Variants in RGS17 observed in about 807,000 individuals in gnomAD.
RGS17 encodes regulator of G-protein signaling 17.
A neutral mutation model predicts 25.5 loss-of-function variants in RGS17; 12 were observed. That is an observed-to-expected ratio of 0.47 (90% CI 0.30 to 0.76). The LOEUF is 0.76. Ranked by LOEUF, RGS17 falls within the 30% of genes least tolerant of loss-of-function variation. RGS17 has a pLI of 0.07. For synonymous variants in RGS17, 71 were observed against 76.9 expected (o/e 0.92, Z 0.40); for missense variants, 196 against 242.2 (o/e 0.81, Z 1.27).
intron 1 of RGS17, among the ~76,000 whole-genome samples, chr6:153,084,044 GAA>G (rs1421065620): frequency 6.6e-6 from 1 of 152,206 alleles, no homozygotes; most frequent in Non-Finnish European, 1.5e-5. Flanking sequence ...ATAACTCACT[GAA>G]ATTTTGATGA....
rs1010470219 is a variant in RGS17, at chr6:153,128,085, C to CTTGGCTACCTA, written c.-26+3028_-26+3038dup. Reference sequence around the variant, plus strand: ...TATCCATCAATCTCACACTGAAAGTCTTGGCTACCTATTGGCTACCTATAG... The same window carrying CTTGGCTACCTA: ...TATCCATCAATCTCACACTGAAAGTCTTGGCTACCTATTGGCTACCTATTGGCTACCTATAG... On this transcript the variant is annotated intron_variant, in intron 1 of 4. Transcript: ENST00000206262. 3.9e-5 allele frequency among the ~76,000 whole-genome samples: 6 copies of CTTGGCTACCTA among 152,224 alleles called. No homozygotes were observed. The South Asian group carries it at 1.2e-3, about 32-fold the overall frequency.
chr6:153,076,052 A>C (rs1416184624), intron 1 of RGS17, among the ~76,000 whole-genome samples: 2 of 152,166 alleles, frequency 1.3e-5, no homozygotes, highest in Non-Finnish European at 2.9e-5. Flanking sequence ...TAATGCTCAA[A>C]ATTTTTTAAT....
intron 1 of RGS17, among the ~76,000 whole-genome samples, chr6:153,103,276 T>C (rs1466665193): frequency 1.3e-5 from 2 of 152,222 alleles, no homozygotes; most frequent in East Asian, 3.8e-4. Context: ...CATATCTTTA[T>C]GATGACATCT....
At chr6:153,070,720 C>T (rs1254456840) in intron 1 of RGS17, among the ~76,000 whole-genome samples, 8 of 121,388 alleles carry the variant, frequency 6.6e-5, no homozygotes, top group Middle Eastern at 4.7e-3. Context: ...TATATATATA[C>T]ACATATACAT....
In RGS17 at chr6:153,050,555, T is replaced by C. The variant is rs73010451; in HGVS notation, c.-25-6512A>G. ...ATTCCACATTCAAATTTTCCACTGT[T>C]AAAAAGTCATACAATATCAATTTTG... On this transcript the variant is annotated intron_variant, in intron 1 of 4. Coordinates refer to ENST00000206262, the MANE Select transcript of RGS17 (RefSeq NM_012419.5). Among the ~76,000 whole-genome samples the C allele has an allele frequency of 9.2e-3, 1,398 of 152,306 alleles. 24 individuals are homozygous for C. Among genetic ancestry groups the C allele is most frequent in the Admixed American group, 0.043 (664 of 15,300 alleles).
chr6:153,103,004 T>C (rs1777326868), intron 1 of RGS17, among the ~76,000 whole-genome samples: 1 of 152,236 alleles, frequency 6.6e-6, no homozygotes, highest in Non-Finnish European at 1.5e-5. Context: ...TGGTGGTATA[T>C]TACATCCATC....
At chr6:153,032,895 A>G (rs551072080) in intron 2 of RGS17, among the ~76,000 whole-genome samples, 2 of 152,350 alleles carry the variant, frequency 1.3e-5, no homozygotes, top group Admixed American at 1.3e-4. Context: ...TCATGCTGGG[A>G]TAATACAGAA....
At chr6:153,092,060 A>G (rs1170164640) in intron 1 of RGS17, among the ~76,000 whole-genome samples, 4 of 152,200 alleles carry the variant, frequency 2.6e-5, no homozygotes, top group African/African-American at 9.6e-5. Flanking sequence ...GATATTTACC[A>G]CTATATTTAT....
intron 1 of RGS17, among the ~76,000 whole-genome samples, chr6:153,119,883 T>C (rs563576282): frequency 2.6e-5 from 4 of 152,300 alleles, no homozygotes; most frequent in South Asian, 2.1e-4. Context: ...CATCATATCA[T>C]TGGGACAATT....
In RGS17 at chr6:153,005,527, T is replaced by G. The variant is rs1431567978; in HGVS notation, c.*6047A>C. 1 of 152,164 alleles carries G rather than the reference T, an allele frequency of 6.6e-6. No individual in the cohort carries two copies. The highest frequency in any genetic ancestry group is 2.4e-5 in the African/African-American group (1 of 41,442). 9.4% of individuals were successfully genotyped at this position (152,164 alleles called of 1,614,324 possible). On this transcript the variant is annotated 3_prime_UTR_variant, in exon 5 of 5. Transcript: ENST00000206262. ...AGTGATCAAGGTTAACATCAACAGC[T>G]AAGAGTAGCCTAAAGTTTGAGAAAC...
intron 1 of RGS17, among the ~76,000 whole-genome samples, chr6:153,060,115 G>C (rs764770730): frequency 2.2e-5 from 3 of 134,212 alleles, no homozygotes; most frequent in Non-Finnish European, 3.1e-5. Context: ...ATTGTGATTG[G>C]TGTGCAGGGG....
chr6:153,060,920 G>A (rs1776628551), intron 1 of RGS17, among the ~76,000 whole-genome samples: 1 of 152,136 alleles, frequency 6.6e-6, no homozygotes, highest in African/African-American at 2.4e-5. Context: ...GTGATAAGAA[G>A]CATCATGAAT....
chr6:153,041,042 G>GT (rs1776315671), intron 2 of RGS17, among the ~76,000 whole-genome samples: 1 of 150,512 alleles, frequency 6.6e-6, no homozygotes, highest in Non-Finnish European at 1.5e-5. Flanking sequence ...GCATGCACCT[G>GT]TAGTCCCAGC....
At chr6:153,085,583 C>T (rs1396909446) in intron 1 of RGS17, among the ~76,000 whole-genome samples, 1 of 152,214 alleles carries the variant, frequency 6.6e-6, no homozygotes, top group Non-Finnish European at 1.5e-5. Flanking sequence ...AATTTATATT[C>T]TGTTGCTGAT....
chr6:153,125,265 A>G (rs1159639217), intron 1 of RGS17, among the ~76,000 whole-genome samples: 1 of 152,216 alleles, frequency 6.6e-6, no homozygotes, highest in East Asian at 1.9e-4. Context: ...ATTGACTACA[A>G]TAGAATTATA....
chr6:153,024,667 G>C (rs1243885850), intron 3 of RGS17, among the ~76,000 whole-genome samples, 171 bp from the exon 4 acceptor site: 1 of 152,184 alleles, frequency 6.6e-6, no homozygotes, highest in Admixed American at 6.5e-5. Context: ...TCAGGACTAC[G>C]TCAGTTATTT....
intron 1 of RGS17, among the ~76,000 whole-genome samples, chr6:153,057,309 T>A (rs1293392170): frequency 6.6e-6 from 1 of 152,140 alleles, no homozygotes; most frequent in African/African-American, 2.4e-5. Flanking sequence ...AAAATTAGGC[T>A]GAATTGGAAA....
rs1452277442 is a variant in RGS17, at chr6:153,011,307, T to C, written c.*267A>G. On this transcript the variant is annotated 3_prime_UTR_variant, in exon 5 of 5. Coordinates refer to ENST00000206262, the MANE Select transcript of RGS17 (RefSeq NM_012419.5). ...TGGAGATACACGAGGAGACTGTTCA[T>C]AGGACTACAAATACACTTTGCTTGC... The C allele has an allele frequency of 2.5e-6, 1 of 404,896 alleles. No individual in the cohort carries two copies. Among genetic ancestry groups the C allele is most frequent in the African/African-American group, 2.1e-5 (1 of 48,346 alleles). The allele number at this position is 404,896 out of a possible 1,614,324, so 25.1% of individuals were successfully genotyped here. A position where few individuals can be genotyped will look rare whatever the true frequency, so the allele number is the denominator to read the frequency against.
At chr6:153,028,027 C>A (rs1779321547) in intron 2 of RGS17, among the ~76,000 whole-genome samples, 1 of 152,074 alleles carries the variant, frequency 6.6e-6, no homozygotes. Flanking sequence ...TAATTTCTGA[C>A]AAGCGGGCCC....
Sources: allele counts gnomAD v4.1 joint callset (sites outside exome capture counted in the v4.1 genomes callset), GRCh38; gene constraint gnomAD v4.1.1; transcripts MANE v1.5; gene names NCBI Gene and HGNC (gene_info 2026-07-23, HGNC 2026-07-21).